Variants in HYCC2 observed in about 807,000 individuals in gnomAD.
HYCC2 encodes hyccin PI4KA lipid kinase complex subunit 2.
chr2:201,027,180 A>G, the HYCC2 span, among the ~76,000 whole-genome samples: 1 of 152,238 alleles, frequency 6.6e-6, no homozygotes, highest in Non-Finnish European at 1.5e-5. Flanking sequence ...AGAATACTAT[A>G]AACAATTCTA....
chr2:201,004,031 G>A, the HYCC2 span, among the ~76,000 whole-genome samples: 1 of 151,868 alleles, frequency 6.6e-6, no homozygotes, highest in East Asian at 1.9e-4. Flanking sequence ...GGTCAGGCTG[G>A]TCTCAAACTC....
At chr2:201,034,474 T>A in the HYCC2 span, among the ~76,000 whole-genome samples, 1 of 152,140 alleles carries the variant, frequency 6.6e-6, no homozygotes, top group East Asian at 1.9e-4. Context: ...TCTTCCTCCA[T>A]CCCTTTATTT....
At chr2:201,049,001 T>C in the HYCC2 span, among the ~76,000 whole-genome samples, 1 of 151,574 alleles carries the variant, frequency 6.6e-6, no homozygotes, top group Admixed American at 6.6e-5. Flanking sequence ...TGGTGGTGTG[T>C]GCCTGTAGTC....
chr2:201,048,705 A>G, the HYCC2 span, among the ~76,000 whole-genome samples: 11 of 152,150 alleles, frequency 7.2e-5, no homozygotes, highest in Admixed American at 2.0e-4. Context: ...AAAAAGACAC[A>G]CTAATTTCAG....
At chr2:201,017,923 T>G in the HYCC2 span, among the ~76,000 whole-genome samples, 2 of 152,174 alleles carry the variant, frequency 1.3e-5, no homozygotes, top group Non-Finnish European at 2.9e-5. Flanking sequence ...TTAAAAAAAC[T>G]TATATACCAC....
chr2:201,007,784 A>G, the HYCC2 span, among the ~76,000 whole-genome samples: 870 of 152,316 alleles, frequency 5.7e-3, 45 homozygotes, highest in Admixed American at 0.053. Flanking sequence ...GGAGGCTGAG[A>G]TCAACCAAGT....
the HYCC2 span, among the ~76,000 whole-genome samples, chr2:201,037,435 T>A: frequency 2.0e-5 from 3 of 151,966 alleles, no homozygotes; most frequent in Admixed American, 6.6e-5. Context: ...CATTGCCAAG[T>A]CAATCCTAAG....
At chr2:201,070,528 T>A in the HYCC2 span, among the ~76,000 whole-genome samples, 2 of 152,068 alleles carry the variant, frequency 1.3e-5, no homozygotes, top group African/African-American at 4.8e-5. Context: ...GGCGCATGCC[T>A]GTAATCCCAG....
the HYCC2 span, among the ~76,000 whole-genome samples, chr2:201,050,332 T>C: frequency 6.6e-6 from 1 of 151,762 alleles, no homozygotes; most frequent in African/African-American, 2.4e-5. Flanking sequence ...AATATCCAAA[T>C]AGCCCCAAAG....
At chr2:201,067,997 A>G in the HYCC2 span, among the ~76,000 whole-genome samples, 2 of 152,162 alleles carry the variant, frequency 1.3e-5, no homozygotes, top group African/African-American at 4.8e-5. Context: ...TATCCTAGCT[A>G]TGACAGGCTG....
chr2:201,055,571 C>T, the HYCC2 span, among the ~76,000 whole-genome samples: 2 of 152,064 alleles, frequency 1.3e-5, no homozygotes, highest in Non-Finnish European at 2.9e-5. Context: ...TGGTAGTGAG[C>T]ACCTATAGTT....
At chr2:201,008,368 A>C in the HYCC2 span, among the ~76,000 whole-genome samples, 1 of 152,252 alleles carries the variant, frequency 6.6e-6, no homozygotes, top group Admixed American at 6.5e-5. Context: ...ACCAAACATT[A>C]GACAATGGGT....
chr2:201,035,436 G>A, the HYCC2 span, among the ~76,000 whole-genome samples: 15 of 152,066 alleles, frequency 9.9e-5, no homozygotes, highest in African/African-American at 2.9e-4. Context: ...TTCTCGTGCC[G>A]TGGTTTTCAG....
At chr2:201,002,251 C>T in the HYCC2 span, among the ~76,000 whole-genome samples, 1 of 124,452 alleles carries the variant, frequency 8.0e-6, no homozygotes, top group African/African-American at 3.1e-5. Flanking sequence ...CTGGGCAATA[C>T]AGTGAAACAA....
the HYCC2 span, among the ~76,000 whole-genome samples, chr2:201,004,218 G>GA: frequency 1.3e-5 from 2 of 152,130 alleles, no homozygotes; most frequent in African/African-American, 4.8e-5. Context: ...TGCCTGTATG[G>GA]AAAAAAACAG....
the HYCC2 span, among the ~76,000 whole-genome samples, chr2:201,038,963 A>G: frequency 1.3e-5 from 2 of 152,120 alleles, no homozygotes; most frequent in Non-Finnish European, 2.9e-5. Context: ...ACAAGCGTAT[A>G]AGGTCTTCCA....
the HYCC2 span, among the ~76,000 whole-genome samples, chr2:201,004,994 G>A: frequency 7.5e-6 from 1 of 134,054 alleles, no homozygotes; most frequent in African/African-American, 2.9e-5. Context: ...TCCAGCCTGG[G>A]CAACAGTGCA....
the HYCC2 span, chr2:200,997,356 A>G: frequency 2.2e-6 from 2 of 916,630 alleles, no homozygotes; most frequent in Non-Finnish European, 3.5e-6. Context: ...CTGTAATACC[A>G]GAAGTTAGAA....
the HYCC2 span, chr2:200,988,236 G>A: frequency 1.9e-6 from 3 of 1,575,940 alleles, no homozygotes; most frequent in Non-Finnish European, 2.6e-6. Context: ...GACTCCATGT[G>A]TGGACTATGG....
Sources: allele counts gnomAD v4.1 joint callset (sites outside exome capture counted in the v4.1 genomes callset), GRCh38; gene constraint gnomAD v4.1.1; transcripts MANE v1.5; gene names NCBI Gene and HGNC (gene_info 2026-07-23, HGNC 2026-07-21).